The following PTPN13 variants were observed in gnomAD, a reference collection of about 807,000 sequenced individuals.
PTPN13 encodes the protein protein tyrosine phosphatase non-receptor type 13, also known as tyrosine-protein phosphatase non-receptor type 13.
PTPN13 carries 191 observed loss-of-function variants against 284.0 expected under a neutral mutation model. The observed-to-expected ratio is 0.67, with a 90% CI of 0.60 to 0.76. The LOEUF is 0.76. PTPN13 is among the 30% of genes least tolerant of loss of function. The pLI, the probability that PTPN13 is intolerant of heterozygous loss-of-function variation, is 0.00. For synonymous variants in PTPN13, 986 were observed against 1,022.3 expected (o/e 0.96, Z 0.68); for missense variants, 2,797 against 2,939.9 (o/e 0.95, Z 1.12).
intron 1 of PTPN13, among the ~76,000 whole-genome samples, chr4:86,602,966 T>C (rs887283713): frequency 1.3e-5 from 2 of 152,186 alleles, no homozygotes; most frequent in Non-Finnish European, 2.9e-5. Context: ...CTTAAGGTGT[T>C]GGGATTACAG....
At chr4:86,791,210 G>A (rs191386973) in intron 40 of PTPN13, among the ~76,000 whole-genome samples, 185 of 152,302 alleles carry the variant, frequency 1.2e-3, no homozygotes, top group Admixed American at 3.5e-3. Flanking sequence ...CTGGCTCAGC[G>A]GGTCCCAAGC....
chr4:86,661,968 T>C (rs954065756), intron 2 of PTPN13, among the ~76,000 whole-genome samples: 2 of 152,232 alleles, frequency 1.3e-5, no homozygotes, highest in African/African-American at 4.8e-5. Flanking sequence ...CTCTTTTAAC[T>C]TGAAACTTTG....
chr4:86,637,132 A>G (rs200108674), intron 2 of PTPN13, among the ~76,000 whole-genome samples: 38,461 of 151,528 alleles, frequency 0.25, 4,967 homozygotes, highest in Admixed American at 0.3. Context: ...AAACCAGGAA[A>G]AAGTTGAATC....
intron 6 of PTPN13, among the ~76,000 whole-genome samples, chr4:86,700,548 A>G (rs1731047960): frequency 6.6e-6 from 1 of 152,132 alleles, no homozygotes; most frequent in South Asian, 2.1e-4. Context: ...CTTTATTACA[A>G]TTGGCAAATA....
Position 86,629,875 on chromosome 4 carries a change from A to G in PTPN13, c.-5-5377A>G, listed in dbSNP as rs546096273. Among the ~76,000 whole-genome samples, 48 of 151,902 alleles carry G rather than the reference A, an allele frequency of 3.2e-4. 1 individual carries two copies. Among genetic ancestry groups the G allele is most frequent in the African/African-American group, 1.1e-3 (46 of 41,436 alleles). On this transcript the variant is annotated intron_variant, in intron 1 of 47. Transcript: ENST00000411767. The stretch of plus-strand genomic sequence containing the variant: ...AGGCTCAAGCAATCCTCCCATCTCA[A>G]CCTCTCAGGTAGCTGGGACTACAGG...
At chr4:86,760,051 TG>T (rs1196212453) in intron 23 of PTPN13, among the ~76,000 whole-genome samples, 2 of 152,192 alleles carry the variant, frequency 1.3e-5, no homozygotes, top group Non-Finnish European at 2.9e-5. Context: ...TGTTATATGT[TG>T]TGATAAAATC....
At chr4:86,652,325 C>T (rs1725180161) in intron 2 of PTPN13, among the ~76,000 whole-genome samples, 1 of 152,038 alleles carries the variant, frequency 6.6e-6, no homozygotes. Context: ...TTAGAGTATT[C>T]TGTATTTTTT....
At chr4:86,642,076 A>G (rs913526422) in intron 2 of PTPN13, among the ~76,000 whole-genome samples, 1 of 152,182 alleles carries the variant, frequency 6.6e-6, no homozygotes, top group Non-Finnish European at 1.5e-5. Flanking sequence ...AATGGACAAG[A>G]TATTTTATTA....
chr4:86,602,698 T>G lies in PTPN13; in HGVS notation c.-6+7909T>G, dbSNP rs182987772. Among the ~76,000 whole-genome samples the G allele has an allele frequency of 9.6e-3, 1,457 of 151,670 alleles. 14 individuals are homozygous for G. Among genetic ancestry groups the G allele is most frequent in the African/African-American group, 0.033 (1,375 of 41,406 alleles). The stretch of plus-strand genomic sequence containing the variant: ...ACTACTATAATTATTTTTCTGATTT[T>G]TTTTTTTTTTTTGAGACAAGGTCTC... On this transcript the variant is annotated intron_variant, in intron 1 of 47. Transcript: ENST00000411767.
At chr4:86,807,290 T>C (rs1744759714) in intron 44 of PTPN13, among the ~76,000 whole-genome samples, 2 of 152,170 alleles carry the variant, frequency 1.3e-5, no homozygotes, top group Admixed American at 1.3e-4. Context: ...CTAATTTTAA[T>C]TTCAACTAAA....
chr4:86,673,105 A>C (rs1292722189), intron 3 of PTPN13, among the ~76,000 whole-genome samples: 2 of 152,214 alleles, frequency 1.3e-5, no homozygotes. Context: ...GGCAGAGCTC[A>C]GGTGGTAACG....
At chr4:86,716,244 T>C (rs192467511) in intron 7 of PTPN13, among the ~76,000 whole-genome samples, 45 of 152,294 alleles carry the variant, frequency 3.0e-4, no homozygotes, top group Middle Eastern at 6.8e-3. Flanking sequence ...CCTCTTTGGC[T>C]GAATTAAAAG....
chr4:86,635,392 CTGT>C lies in PTPN13; in HGVS notation c.115+35_115+37del, dbSNP rs760961834. 5.4e-5 allele frequency: 84 copies of C among 1,545,028 alleles called. No individual in the cohort carries two copies. The Middle Eastern group carries it at 8.7e-4, about 16-fold the overall frequency. On this transcript the variant is annotated intron_variant, in intron 2 of 47. Coordinates refer to ENST00000411767, the MANE Select transcript of PTPN13 (RefSeq NM_080683.3). ...AAAAGGTAAGCTGCTGCTGCTGCTGCTGTTGTTGTTGTTGTTTCAGTATTGGGT... is the reference window on the plus strand; with the variant it reads ...AAAAGGTAAGCTGCTGCTGCTGCTGCTGTTGTTGTTGTTTCAGTATTGGGT...
chr4:86,595,744 G>A (rs948518510), intron 1 of PTPN13: 1 of 985,568 alleles, frequency 1.0e-6, no homozygotes, highest in Non-Finnish European at 1.2e-6. Context: ...GGCAGGACCT[G>A]AACAAAATGT....
At chr4:86,745,576 A>G (rs1193474499) in intron 17 of PTPN13, among the ~76,000 whole-genome samples, 1 of 152,104 alleles carries the variant, frequency 6.6e-6, no homozygotes, top group African/African-American at 2.4e-5. Context: ...GGAGTTTGAG[A>G]ACAGCCTGGC....
intron 1 of PTPN13, among the ~76,000 whole-genome samples, chr4:86,615,522 T>C (rs1445135997): frequency 6.6e-6 from 1 of 152,134 alleles, no homozygotes; most frequent in East Asian, 1.9e-4. Flanking sequence ...AAATAACATA[T>C]ATTAATTTGC....
chr4:86,754,931 T>G (rs1168804159), intron 20 of PTPN13, among the ~76,000 whole-genome samples: 2 of 152,052 alleles, frequency 1.3e-5, no homozygotes, highest in African/African-American at 4.8e-5. Context: ...TTCAAAACGC[T>G]CTTTGAATCT....
intron 47 of PTPN13, among the ~76,000 whole-genome samples, chr4:86,811,600 T>C (rs1230486374): frequency 1.3e-5 from 2 of 152,312 alleles, no homozygotes; most frequent in Admixed American, 6.5e-5. Context: ...TTATCCTCTT[T>C]TGATGATTTT....
Position 86,638,310 on chromosome 4 carries a change from C to T in PTPN13, c.115+2939C>T, listed in dbSNP as rs551677929. On this transcript the variant is annotated intron_variant, in intron 2 of 47. Coordinates refer to ENST00000411767, the MANE Select transcript of PTPN13 (RefSeq NM_080683.3). ...ATCAAGCTACCAATGACTTTCTTCC[C>T]AGAATAGGAAAAAACTACTTTAAAG... Among the ~76,000 whole-genome samples the T allele has an allele frequency of 4.5e-4, 68 of 152,174 alleles. 1 individual carries two copies. The highest frequency in any genetic ancestry group is 1.5e-3 in the African/African-American group (63 of 41,494).
Sources: gnomAD v4.1 joint callset for allele counts (sites outside exome capture counted in the v4.1 genomes callset) on GRCh38, gnomAD v4.1.1 for gene constraint, MANE v1.5 for transcripts, NCBI Gene and HGNC (gene_info 2026-07-23, HGNC 2026-07-21) for gene names.